BANF2: variants seen among roughly 807,000 people sequenced by gnomAD.
BANF2 encodes the protein BANF family member 2, also known as barrier-to-autointegration factor-like protein.
A neutral mutation model predicts 8.0 loss-of-function variants in BANF2; 4 were observed. The observed-to-expected ratio is 0.50, with a 90% CI of 0.25 to 1.14. BANF2 has a LOEUF of 1.14. BANF2 is among the 50% of genes most tolerant of loss of function. The pLI is 0.16. For missense variants in BANF2, 96 were observed against 107.5 expected, an observed-to-expected ratio of 0.89 and a Z score of 0.47; for synonymous variants, 50 against 40.6, an observed-to-expected ratio of 1.23 and a Z score of -0.88.
chr20:17,716,841 CAAAAAAAAAA>C lies in BANF2; in HGVS notation c.-166-5864_-166-5855del, dbSNP rs36007590. ...TGAGTGACAGAGCAAGACTCCATCT[CAAAAAAAAAA>C]AAAAAAAAAAGAAAGAAAGGAAGAA... On this transcript the variant is annotated intron_variant, in intron 1 of 3. Coordinates refer to ENST00000246090, the MANE Select transcript of BANF2 (RefSeq NM_178477.5). 2.5e-3 allele frequency among the ~76,000 whole-genome samples: 224 copies of C among 89,908 alleles called. 1 individual carries two copies. The highest frequency in any genetic ancestry group is 9.4e-3 in the African/African-American group (215 of 22,774). 59.0% of individuals were successfully genotyped at this position (89,908 alleles called of 152,430 possible). A position where few individuals can be genotyped will look rare whatever the true frequency, so the allele number is the denominator to read the frequency against.
intron 1 of BANF2, among the ~76,000 whole-genome samples, chr20:17,705,411 A>G (rs967529470): frequency 1.3e-5 from 2 of 152,246 alleles, no homozygotes; most frequent in African/African-American, 4.8e-5. Context: ...TCCCTAGCAC[A>G]GACTCAGGGG....
intron 1 of BANF2, chr20:17,712,660 C>A: frequency 5.4e-6 from 3 of 560,164 alleles, no homozygotes; most frequent in African/African-American, 2.0e-5. Context: ...ATCCATGGGG[C>A]AGAGAAGGTA....
chr20:17,717,464 T>C (rs1450676274), intron 1 of BANF2, among the ~76,000 whole-genome samples: 1 of 151,936 alleles, frequency 6.6e-6, no homozygotes, highest in Non-Finnish European at 1.5e-5. Flanking sequence ...CATTTTAAAA[T>C]AAAAGTAGAA....
At chr20:17,734,054 G>A (rs1194235600) in intron 3 of BANF2, among the ~76,000 whole-genome samples, 1 of 152,208 alleles carries the variant, frequency 6.6e-6, no homozygotes. Context: ...CGTTTAATGT[G>A]ACCTGAGCTC....
At chr20:17,732,058 G>A (rs768489001) in intron 3 of BANF2, among the ~76,000 whole-genome samples, 13 of 144,152 alleles carry the variant, frequency 9.0e-5, no homozygotes, top group Non-Finnish European at 1.4e-4. Flanking sequence ...AGAGGGAGAC[G>A]TCGTCAAAAA....
At chr20:17,713,265 G>T (rs1012136562) in intron 1 of BANF2, among the ~76,000 whole-genome samples, 6 of 151,676 alleles carry the variant, frequency 4.0e-5, no homozygotes, top group Non-Finnish European at 7.4e-5. Context: ...AAGAATGAGA[G>T]AGAGAGAGAG....
At chr20:17,706,869 C>G (rs2037488709) in intron 1 of BANF2, among the ~76,000 whole-genome samples, 1 of 152,176 alleles carries the variant, frequency 6.6e-6, no homozygotes, top group African/African-American at 2.4e-5. Context: ...CCAGGTGACT[C>G]TATCCAAAGT....
At chr20:17,698,251 T>G (rs748589752), upstream of BANF2, among the ~76,000 whole-genome samples, 18 of 151,912 alleles carry the variant, frequency 1.2e-4, no homozygotes, top group Non-Finnish European at 2.1e-4. Context: ...GTGTGGTACC[T>G]CCCTTGCCTT....
intron 1 of BANF2, among the ~76,000 whole-genome samples, chr20:17,716,538 T>G (rs1250391932): frequency 6.6e-6 from 1 of 150,890 alleles, no homozygotes; most frequent in Non-Finnish European, 1.5e-5. Flanking sequence ...TTGCCCAGGC[T>G]CACCCGTCTT....
chr20:17,704,075 C>G (rs1398431078), intron 1 of BANF2, among the ~76,000 whole-genome samples: 1 of 152,246 alleles, frequency 6.6e-6, no homozygotes, highest in East Asian at 1.9e-4. Context: ...GGCTGCCAGG[C>G]CCAGAACTGG....
intron 1 of BANF2, among the ~76,000 whole-genome samples, chr20:17,702,606 C>T (rs920171834): frequency 6.6e-6 from 1 of 152,164 alleles, no homozygotes; most frequent in African/African-American, 2.4e-5. Context: ...GACCCGTGTG[C>T]AACTGTTTGT....
chr20:17,710,481 G>A (rs1568809999), intron 1 of BANF2, among the ~76,000 whole-genome samples: 1 of 152,190 alleles, frequency 6.6e-6, no homozygotes, highest in Non-Finnish European at 1.5e-5. Flanking sequence ...GCCATACAGA[G>A]GCAGGCACGT....
chr20:17,727,686 G>A (rs1409562758), intron 3 of BANF2, among the ~76,000 whole-genome samples: 1 of 151,950 alleles, frequency 6.6e-6, no homozygotes, highest in South Asian at 2.1e-4. Flanking sequence ...GGCAGGACAG[G>A]GTTCTCAGAT....
At chr20:17,724,229 G>A (rs2037772199) in intron 2 of BANF2, among the ~76,000 whole-genome samples, 1 of 152,214 alleles carries the variant, frequency 6.6e-6, no homozygotes, top group African/African-American at 2.4e-5. Context: ...GTTTTGCTAA[G>A]ACAGAGAGTC....
intron 1 of BANF2, among the ~76,000 whole-genome samples, chr20:17,702,960 G>T (rs932429486): frequency 6.6e-6 from 1 of 152,216 alleles, no homozygotes; most frequent in Admixed American, 6.5e-5. Flanking sequence ...GCTGGTGGCG[G>T]TGTGCTAGAC....
At chr20:17,730,288 G>T (rs891158112) in intron 3 of BANF2, among the ~76,000 whole-genome samples, 5 of 152,162 alleles carry the variant, frequency 3.3e-5, no homozygotes, top group Non-Finnish European at 7.3e-5. Context: ...GATCACATGG[G>T]GTGGTGACAG....
intron 3 of BANF2, among the ~76,000 whole-genome samples, chr20:17,732,832 G>A (rs1365124645): frequency 6.6e-6 from 1 of 152,196 alleles, no homozygotes; most frequent in Non-Finnish European, 1.5e-5. Context: ...AGGAGGGAAA[G>A]GGGCAGCATC....
intron 1 of BANF2, among the ~76,000 whole-genome samples, chr20:17,713,420 T>C (rs1053444725): frequency 6.6e-6 from 1 of 152,038 alleles, no homozygotes; most frequent in Non-Finnish European, 1.5e-5. Flanking sequence ...TGGAATGGTG[T>C]TTGTCAGGGG....
In BANF2 at chr20:17,735,705, A is replaced by G. The variant is rs757582792; in HGVS notation, c.167A>G (p.Asn56Ser). ...LLGQFLLMHK[N>S]EAEFQRWLIC... ...GGACAATTCCTTCTGATGCACAAGA[A>G]TGAAGCCGAGTTTCAGAGGTGGCTC... Residue 56 changes from asparagine to serine, a missense_variant, in exon 4 of 4, where the codon AAT becomes AGT. Asn to Ser is a conservative substitution (Grantham distance 46). Transcript: ENST00000246090. 1 of 1,613,962 alleles carries G rather than the reference A, an allele frequency of 6.2e-7. No homozygotes were observed. Among genetic ancestry groups the G allele is most frequent in the South Asian group, 1.1e-5 (1 of 91,076 alleles).
Sources: allele counts gnomAD v4.1 joint callset (sites outside exome capture counted in the v4.1 genomes callset), GRCh38; gene constraint gnomAD v4.1.1; transcripts MANE v1.5; gene names NCBI Gene and HGNC (gene_info 2026-07-23, HGNC 2026-07-21).